KDM4C: variants seen among roughly 807,000 people sequenced by gnomAD.
KDM4C encodes the protein lysine-specific demethylase 4C.
KDM4C carries 81 observed loss-of-function variants against 129.3 expected under a neutral mutation model. The ratio of observed to expected loss-of-function variants is 0.63; its 90% CI spans 0.52 to 0.75. The LOEUF is 0.75. KDM4C is among the 30% of genes least tolerant of loss of function. The probability of loss-of-function intolerance (pLI) is 0.00; values close to 1 mark genes in which losing one functional copy is unlikely to be tolerated. For synonymous variants in KDM4C, 573 were observed against 456.1 expected (o/e 1.26, Z -3.26); for missense variants, 1,457 against 1,304.0 (o/e 1.12, Z -1.81).
intron 4 of KDM4C, among the ~76,000 whole-genome samples, chr9:6,818,146 G>A (rs1164323121): frequency 1.3e-5 from 2 of 152,138 alleles, no homozygotes; most frequent in African/African-American, 2.4e-5. Context: ...GTGATTGCAT[G>A]CGTGTTCATG....
intron 12 of KDM4C, among the ~76,000 whole-genome samples, chr9:7,004,481 A>G (rs1300622155): frequency 6.6e-6 from 1 of 152,206 alleles, no homozygotes; most frequent in Non-Finnish European, 1.5e-5. Context: ...TTTATTGATT[A>G]TATTATATTC....
At chr9:7,145,671 G>C (rs572841819) in intron 19 of KDM4C, among the ~76,000 whole-genome samples, 4 of 152,200 alleles carry the variant, frequency 2.6e-5, no homozygotes, top group Non-Finnish European at 5.9e-5. Context: ...AAGTCTAACT[G>C]CTGCCTCTTC....
intron 8 of KDM4C, among the ~76,000 whole-genome samples, chr9:6,921,159 T>G (rs1316046381): frequency 6.6e-6 from 1 of 152,212 alleles, no homozygotes; most frequent in African/African-American, 2.4e-5. Flanking sequence ...TCCTCAGGTT[T>G]CATTTTCTTG....
chr9:7,103,910 C>G (rs1316171830), intron 18 of KDM4C, 40 bp downstream of exon 18: 5 of 1,572,042 alleles, frequency 3.2e-6, no homozygotes, highest in Non-Finnish European at 8.7e-7. Flanking sequence ...AAGACCGTGT[C>G]TGGATTTTCT....
intron 8 of KDM4C, among the ~76,000 whole-genome samples, chr9:6,974,156 G>C (rs1207119090): frequency 6.6e-6 from 1 of 152,122 alleles, no homozygotes; most frequent in Admixed American, 6.5e-5. Context: ...CATAAATTAG[G>C]ATATGATGAT....
At chr9:7,011,585 G>A in intron 12 of KDM4C, 113 bp from the exon 13 acceptor site, 1 of 933,386 alleles carries the variant, frequency 1.1e-6, no homozygotes, top group South Asian at 1.6e-5. Context: ...AAGTAGGTTT[G>A]GTTTCCGGCC....
At chr9:7,157,538 A>C (rs1587917879) in intron 19 of KDM4C, among the ~76,000 whole-genome samples, 1 of 152,174 alleles carries the variant, frequency 6.6e-6, no homozygotes, top group East Asian at 1.9e-4. Flanking sequence ...ATCAGTACCT[A>C]GTTTATTGAG....
At chr9:6,998,141 A>G (rs1820102248) in intron 12 of KDM4C, among the ~76,000 whole-genome samples, 1 of 152,212 alleles carries the variant, frequency 6.6e-6, no homozygotes, top group Admixed American at 6.5e-5. Context: ...TTTTGAAATT[A>G]AAGACAGCTT....
chr9:7,049,562 GGTCTTAACCTAGCAAAA>G (rs1171784311), intron 17 of KDM4C, among the ~76,000 whole-genome samples: 1 of 151,858 alleles, frequency 6.6e-6, no homozygotes, highest in Non-Finnish European at 1.5e-5. Flanking sequence ...CTCTTTGGTT[GGTCTTAACCTAGCAAAA>G]TGTATCTAAC....
chr9:6,760,669 C>G (rs959413913), intron 1 of KDM4C, among the ~76,000 whole-genome samples: 2 of 152,070 alleles, frequency 1.3e-5, no homozygotes, highest in East Asian at 3.9e-4. Flanking sequence ...CTCCTGGGTT[C>G]ACACCATTCT....
intron 4 of KDM4C, among the ~76,000 whole-genome samples, chr9:6,848,039 A>G (rs1467374271): frequency 6.6e-6 from 1 of 152,178 alleles, no homozygotes; most frequent in East Asian, 1.9e-4. Flanking sequence ...TGGTAGACAT[A>G]GATGAATTTA....
intron 19 of KDM4C, among the ~76,000 whole-genome samples, chr9:7,144,735 C>G (rs1842064096): frequency 6.6e-6 from 1 of 152,254 alleles, no homozygotes; most frequent in Non-Finnish European, 1.5e-5. Flanking sequence ...GCTCAGTCAG[C>G]TTGGGTGAAG....
chr9:7,111,175 G>A (rs931235885), intron 18 of KDM4C, among the ~76,000 whole-genome samples: 3 of 151,954 alleles, frequency 2.0e-5, no homozygotes, highest in South Asian at 2.1e-4. Context: ...GATAAGCTGC[G>A]TTCTAAAGGC....
chr9:7,143,054 A>T (rs1033357470), intron 19 of KDM4C, among the ~76,000 whole-genome samples: 2 of 152,088 alleles, frequency 1.3e-5, no homozygotes, highest in African/African-American at 2.4e-5. Context: ...TACTTGTTTT[A>T]TCACTGAAGT....
At chr9:6,806,555 T>C (rs1233664724) in intron 3 of KDM4C, among the ~76,000 whole-genome samples, 1 of 151,926 alleles carries the variant, frequency 6.6e-6, no homozygotes, top group Non-Finnish European at 1.5e-5. Flanking sequence ...CTTAGCTGCT[T>C]AAACCAACCC....
At chr9:7,125,381 G>C (rs1389248072) in intron 18 of KDM4C, among the ~76,000 whole-genome samples, 1 of 152,304 alleles carries the variant, frequency 6.6e-6, no homozygotes, top group East Asian at 1.9e-4. Context: ...CCTGTGAGAT[G>C]GCTTCATGGC....
chr9:6,870,144 G>C (rs867257131), intron 5 of KDM4C, among the ~76,000 whole-genome samples: 2 of 152,064 alleles, frequency 1.3e-5, no homozygotes, highest in Non-Finnish European at 2.9e-5. Context: ...AAGTGTTTTT[G>C]TAACAAGAAC....
At chr9:6,854,535 A>AAAC (rs1554720153) in intron 5 of KDM4C, among the ~76,000 whole-genome samples, 3 of 147,328 alleles carry the variant, frequency 2.0e-5, no homozygotes, top group Non-Finnish European at 3.0e-5. Context: ...CAAAAAAAAA[A>AAAC]AAAAAAAAAA....
At position 6,986,650 on chromosome 9, in the gene KDM4C, G is replaced by C; in HGVS notation, c.1661G>C (p.Ser554Thr). ...GCGGTCCCCAGTGGAGAGAGAAATA[G>C]CTTCAAAGTCCCCAGTGTATGTGGC... ...IPAVPSGERN[S>T]FKVPSIAEGE... The change falls in exon 11 of 22, where the codon AGC (serine) becomes ACC (threonine). Residue 554 changes from serine to threonine, a missense_variant. Coordinates refer to ENST00000381309, the MANE Select transcript of KDM4C (RefSeq NM_015061.6). 1 of 1,606,784 alleles carries C rather than the reference G, an allele frequency of 6.2e-7. No individual in the cohort carries two copies. Among genetic ancestry groups the C allele is most frequent in the African/African-American group, 1.3e-5 (1 of 74,840 alleles).
Sources: allele counts gnomAD v4.1 joint callset (sites outside exome capture counted in the v4.1 genomes callset), GRCh38; gene constraint gnomAD v4.1.1; transcripts MANE v1.5; gene names NCBI Gene and HGNC (gene_info 2026-07-23, HGNC 2026-07-21).